Variants in GBE1 observed in about 807,000 individuals in gnomAD.
The protein encoded by GBE1 is 1,4-alpha-glucan-branching enzyme.
A neutral mutation model predicts 88.8 loss-of-function variants in GBE1; 70 were observed. The observed-to-expected ratio is 0.79, with a 90% confidence interval of 0.65 to 0.96. The LOEUF (loss-of-function observed/expected upper bound fraction) is 0.96. Ranked by LOEUF, GBE1 falls within the 40% of genes least tolerant of loss-of-function variation. The pLI is 0.00. For synonymous variants in GBE1, 284 were observed against 300.1 expected (o/e 0.95, Z 0.56); for missense variants, 872 against 871.0 (o/e 1.00, Z -0.01).
intron 7 of GBE1, among the ~76,000 whole-genome samples, chr3:81,627,112 G>C (rs1029660799): frequency 6.6e-6 from 1 of 152,108 alleles, no homozygotes; most frequent in African/African-American, 2.4e-5. Flanking sequence ...GGTATAAAAG[G>C]ATCTAAACTA....
intron 1 of GBE1, among the ~76,000 whole-genome samples, chr3:81,752,033 G>A (rs888865235): frequency 2.0e-5 from 3 of 152,024 alleles, no homozygotes; most frequent in African/African-American, 7.2e-5. Context: ...TCATATTTTG[G>A]GTTGTAGAAC....
chr3:81,612,607 C>A, intron 7 of GBE1: 1 of 620,794 alleles, frequency 1.6e-6, no homozygotes, highest in Non-Finnish European at 3.1e-6. Context: ...GTTCTGACCT[C>A]TTCTGAAAAA....
At chr3:81,586,911 C>T (rs1433245826) in intron 9 of GBE1, among the ~76,000 whole-genome samples, 1 of 152,044 alleles carries the variant, frequency 6.6e-6, no homozygotes, top group African/African-American at 2.4e-5. Flanking sequence ...GCCTCAGCCT[C>T]CCGAATAGCT....
At chr3:81,659,848 A>T (rs572889681) in intron 3 of GBE1, among the ~76,000 whole-genome samples, 44 of 152,322 alleles carry the variant, frequency 2.9e-4, no homozygotes, top group African/African-American at 1.0e-3. Context: ...ATTACATCCA[A>T]GAATATAGTT....
In GBE1 at chr3:81,519,270, G is replaced by C. The variant is rs138209257; in HGVS notation, c.1934+15925C>G. Among the ~76,000 whole-genome samples, 359 of 151,554 alleles carry C rather than the reference G, an allele frequency of 2.4e-3. 2 individuals carry two copies. Among genetic ancestry groups the C allele is most frequent in the African/African-American group, 8.3e-3 (343 of 41,436 alleles). ...CATTTTAAAAAGTGCATCTTGCAGT[G>C]GTTTAATGAAAATATTTCAACTATC... On this transcript the variant is annotated intron_variant, in intron 14 of 15. Transcript: ENST00000429644.
Position 81,490,439 on chromosome 3 carries a change from G to T in GBE1, c.2077C>A (p.Leu693Ile). 5 of 1,613,038 alleles carry T rather than the reference G, an allele frequency of 3.1e-6. No homozygotes were observed. The highest frequency in any genetic ancestry group is 4.2e-6 in the Non-Finnish European group (5 of 1,179,378). The stretch of plus-strand genomic sequence containing the variant: ...GGCAGATCCACATTCTGAAGGATGA[G>T]GGCCACTCTGCTTGGAATGTACACC... ...LLVYIPSRVA[L>I]ILQNVDLPN Residue 693 changes from leucine (L) to isoleucine (I), a missense_variant, in exon 16 of 16, where the codon CTC becomes ATC. Physicochemically the swap from Leu to Ile is conservative, Grantham distance 5. Transcript: ENST00000429644.
chr3:81,707,948 T>C (rs1705801805), intron 1 of GBE1, among the ~76,000 whole-genome samples: 1 of 152,020 alleles, frequency 6.6e-6, no homozygotes, highest in Admixed American at 6.6e-5. Flanking sequence ...TGGGATTATT[T>C]TGGTGAGGTT....
At chr3:81,703,602 T>C (rs763517714) in intron 2 of GBE1, among the ~76,000 whole-genome samples, 1 of 152,020 alleles carries the variant, frequency 6.6e-6, no homozygotes, top group Non-Finnish European at 1.5e-5. Context: ...AACCTCTTAA[T>C]TTTGTTTGGA....
In GBE1 at chr3:81,642,814, T is replaced by G; in HGVS notation, c.959A>C (p.Asp320Ala). The G allele has an allele frequency of 6.2e-7, 1 of 1,612,872 alleles. No individual in the cohort carries two copies. Among genetic ancestry groups the G allele is most frequent in the East Asian group, 2.2e-5 (1 of 44,844 alleles). ...YFHSGPRGTH[D>A]LWDSRLFAYS... Reference sequence around the variant, plus strand: ...GGCAAACAATCTGCTATCCCAAAGATCATGAGTCCCTCTAGGTCCAGAATG... The same window carrying G: ...GGCAAACAATCTGCTATCCCAAAGAGCATGAGTCCCTCTAGGTCCAGAATG... Residue 320 changes from aspartate (D) to alanine (A), a missense_variant, in exon 7 of 16, where the codon GAT becomes GCT. Coordinates refer to ENST00000429644, the MANE Select transcript of GBE1 (RefSeq NM_000158.4).
chr3:81,607,739 AC>A (rs1357659301), intron 7 of GBE1, among the ~76,000 whole-genome samples: 1 of 152,144 alleles, frequency 6.6e-6, no homozygotes, highest in East Asian at 1.9e-4. Flanking sequence ...GTTTTATTTG[AC>A]CTTAGTCAAG....
chr3:81,619,470 AATTAG>A (rs1490469920), intron 7 of GBE1, among the ~76,000 whole-genome samples: 3 of 152,128 alleles, frequency 2.0e-5, no homozygotes, highest in African/African-American at 7.2e-5. Flanking sequence ...TAAAACTGAC[AATTAG>A]ATTATTTATT....
intron 1 of GBE1, among the ~76,000 whole-genome samples, chr3:81,741,820 T>C (rs1706353097): frequency 6.8e-6 from 1 of 148,054 alleles, no homozygotes; most frequent in Non-Finnish European, 1.5e-5. Context: ...ATATAGAGTA[T>C]TATACATATT....
At chr3:81,676,714 A>G (rs1427589777) in intron 2 of GBE1, among the ~76,000 whole-genome samples, 2 of 152,154 alleles carry the variant, frequency 1.3e-5, no homozygotes, top group East Asian at 1.9e-4. Context: ...ATAGGTATAC[A>G]TGTGCCATGG....
chr3:81,655,739 C>G (rs185367907), intron 3 of GBE1, among the ~76,000 whole-genome samples: 1 of 151,934 alleles, frequency 6.6e-6, no homozygotes, highest in African/African-American at 2.4e-5. Flanking sequence ...AGGCTGCTCT[C>G]GAACTCCTGA....
chr3:81,731,284 A>G (rs975955110), intron 1 of GBE1, among the ~76,000 whole-genome samples: 4 of 152,098 alleles, frequency 2.6e-5, no homozygotes, highest in African/African-American at 9.7e-5. Flanking sequence ...TGAGTTGACT[A>G]TGTCCCCTGA....
intron 9 of GBE1, among the ~76,000 whole-genome samples, chr3:81,588,669 A>T (rs1703832809): frequency 6.6e-6 from 1 of 152,156 alleles, no homozygotes; most frequent in South Asian, 2.1e-4. Flanking sequence ...TCACCAAATC[A>T]TGGCATGCAA....
chr3:81,527,017 C>A (rs1702952474), intron 14 of GBE1, among the ~76,000 whole-genome samples: 1 of 152,080 alleles, frequency 6.6e-6, no homozygotes, highest in Non-Finnish European at 1.5e-5. Flanking sequence ...GGTACCAAAA[C>A]AGAGATATAG....
intron 7 of GBE1, among the ~76,000 whole-genome samples, chr3:81,594,438 C>T (rs1249604573): frequency 6.6e-6 from 1 of 151,948 alleles, no homozygotes; most frequent in African/African-American, 2.4e-5. Flanking sequence ...TGTAATATAA[C>T]CATAATTATG....
intron 2 of GBE1, among the ~76,000 whole-genome samples, chr3:81,701,125 A>C (rs1242066681): frequency 6.6e-6 from 1 of 152,020 alleles, no homozygotes; most frequent in Non-Finnish European, 1.5e-5. Context: ...CAGATGATTC[A>C]AAGTTTTAGA....
Sources: gnomAD v4.1 joint callset for allele counts (sites outside exome capture counted in the v4.1 genomes callset) on GRCh38, gnomAD v4.1.1 for gene constraint, MANE v1.5 for transcripts, NCBI Gene and HGNC (gene_info 2026-07-23, HGNC 2026-07-21) for gene names.